The following LPXN variants were observed in gnomAD, a reference collection of about 807,000 sequenced individuals.
LPXN encodes the protein leupaxin.
In LPXN, 28 loss-of-function variants were observed where a neutral mutation model predicts 45.6. The observed-to-expected ratio is 0.61, with a 90% CI of 0.45 to 0.84. The LOEUF is 0.84. Among genes scored for constraint, LPXN ranks in the 40% least tolerant of loss-of-function variants. LPXN has a pLI of 0.00. For synonymous variants in LPXN, 166 were observed against 169.9 expected (o/e 0.98, Z 0.18); for missense variants, 459 against 475.0 (o/e 0.97, Z 0.31).
chr11:58,573,361 G>C (rs1443430579), intron 1 of LPXN, among the ~76,000 whole-genome samples: 1 of 152,018 alleles, frequency 6.6e-6, no homozygotes, highest in African/African-American at 2.4e-5. Flanking sequence ...CCAAATTTGA[G>C]AATTTTGAAT....
At chr11:58,560,090 G>A (rs1046910180) in intron 3 of LPXN, among the ~76,000 whole-genome samples, 10 of 152,054 alleles carry the variant, frequency 6.6e-5, no homozygotes, top group African/African-American at 2.4e-4. Flanking sequence ...GACTTTTTAC[G>A]CACATGAGTT....
intron 2 of LPXN, among the ~76,000 whole-genome samples, chr11:58,567,809 T>G (rs1217002004): frequency 1.3e-5 from 2 of 152,220 alleles, no homozygotes; most frequent in Non-Finnish European, 1.5e-5. Flanking sequence ...CAATTAAACA[T>G]GTGGGTTTTG....
chr11:58,539,710 A>G (rs1236583518), intron 7 of LPXN, among the ~76,000 whole-genome samples: 1 of 152,200 alleles, frequency 6.6e-6, no homozygotes, highest in East Asian at 1.9e-4. Flanking sequence ...TTGTTAATGA[A>G]CCCATTCATT....
rs1854078205 is a variant in LPXN at position 58,552,420 on chromosome 11, T to A, written c.319-1188A>T. ...CGACTGCTACCATCTATCTACTGAATACTTCACTCATCAGAAAACTACAAT... is the reference window on the plus strand; with the variant it reads ...CGACTGCTACCATCTATCTACTGAAAACTTCACTCATCAGAAAACTACAAT... On this transcript the variant is annotated intron_variant, in intron 4 of 8. Transcript: ENST00000395074. Among the ~76,000 whole-genome samples the A allele has an allele frequency of 2.0e-5, 3 of 152,160 alleles. No individual in the cohort carries two copies. In the South Asian group the frequency reaches 6.2e-4, roughly 32 times the overall value.
chr11:58,537,961 C>T (rs1853603492), intron 7 of LPXN, among the ~76,000 whole-genome samples: 1 of 138,868 alleles, frequency 7.2e-6, no homozygotes. Context: ...TGTGATGTTC[C>T]TCTTCCTGTG....
intron 7 of LPXN, among the ~76,000 whole-genome samples, chr11:58,540,469 C>G (rs1853682096): frequency 6.6e-6 from 1 of 151,982 alleles, no homozygotes; most frequent in Non-Finnish European, 1.5e-5. Flanking sequence ...TTAAAAAGAC[C>G]TTCTCAGCTA....
chr11:58,554,678 G>T, intron 4 of LPXN, 163 bp downstream of exon 4: 1 of 529,590 alleles, frequency 1.9e-6, no homozygotes, highest in Non-Finnish European at 3.3e-6. Context: ...GTTAATTCAT[G>T]GAATTAAATT....
intron 3 of LPXN, among the ~76,000 whole-genome samples, chr11:58,557,181 T>A (rs530305609): frequency 6.6e-6 from 1 of 152,276 alleles, no homozygotes; most frequent in East Asian, 1.9e-4. Context: ...GACACAGGAA[T>A]CCTTCTTCTG....
chr11:58,532,201 A>G (rs1298981587), intron 7 of LPXN, among the ~76,000 whole-genome samples: 2 of 152,006 alleles, frequency 1.3e-5, no homozygotes, highest in Non-Finnish European at 2.9e-5. Flanking sequence ...AGGGCTTGGG[A>G]TCTGCAGCCC....
rs533978033 is a variant in LPXN at position 58,564,142 on chromosome 11, GA to G, written c.218+12del. 431 of 1,506,098 alleles carry G rather than the reference GA, an allele frequency of 2.9e-4. No homozygotes were observed. The highest frequency in any genetic ancestry group is 3.9e-4 in the Admixed American group (20 of 51,854). The allele number at this position is 1,506,098 out of a possible 1,614,324, so 93.3% of individuals were successfully genotyped here. The stretch of plus-strand genomic sequence containing the variant: ...CTTTAATTTTTAAAAGCATTTAATA[GA>G]AAAAAAAATACCTGTAGACATTGAG... On this transcript the variant is annotated intron_variant, in intron 3 of 8. Transcript: ENST00000395074.
At chr11:58,571,980 T>C (rs1854717300) in intron 1 of LPXN, among the ~76,000 whole-genome samples, 1 of 152,238 alleles carries the variant, frequency 6.6e-6, no homozygotes, top group South Asian at 2.1e-4. Flanking sequence ...CTGGGTTACC[T>C]TGAGCATGTC....
chr11:58,529,221 AACAAAG>A (rs1311687742), intron 7 of LPXN, among the ~76,000 whole-genome samples: 1 of 152,248 alleles, frequency 6.6e-6, no homozygotes, highest in Non-Finnish European at 1.5e-5. Context: ...AATCACCATA[AACAAAG>A]ACAAATAACA....
In LPXN at chr11:58,573,614, CAT is replaced by C. The variant is rs146204595; in HGVS notation, c.13+2144_13+2145del. ...GTTATAGGCTTTTCTCTTCCTGTTTCATATGAGTGTGCATATCACCAACACTG... is the reference window on the plus strand; with the variant it reads ...GTTATAGGCTTTTCTCTTCCTGTTTCATGAGTGTGCATATCACCAACACTG... On this transcript the variant is annotated intron_variant, in intron 1 of 8. Transcript: ENST00000395074. Among the ~76,000 whole-genome samples, 206 of 152,266 alleles carry C rather than the reference CAT, an allele frequency of 1.4e-3. 2 individuals carry two copies. The highest frequency in any genetic ancestry group is 4.9e-3 in the African/African-American group (203 of 41,540).
At chr11:58,569,535 C>CT (rs1854621001) in intron 2 of LPXN, among the ~76,000 whole-genome samples, 1 of 151,852 alleles carries the variant, frequency 6.6e-6, no homozygotes, top group African/African-American at 2.4e-5. Context: ...ACCATAGGCA[C>CT]GCACCACCAC....
intron 2 of LPXN, among the ~76,000 whole-genome samples, chr11:58,566,626 A>G (rs768968283): frequency 3.3e-5 from 5 of 152,232 alleles, no homozygotes; most frequent in Non-Finnish European, 7.3e-5. Flanking sequence ...TAGATAATTA[A>G]ACCATATCTG....
intron 1 of LPXN, among the ~76,000 whole-genome samples, chr11:58,574,981 G>T (rs1374728539): frequency 6.6e-6 from 1 of 152,174 alleles, no homozygotes; most frequent in African/African-American, 2.4e-5. Context: ...GTATAGTTTA[G>T]TGACTCAGTG....
At chr11:58,568,980 A>G (rs1854600014) in intron 2 of LPXN, among the ~76,000 whole-genome samples, 1 of 152,194 alleles carries the variant, frequency 6.6e-6, no homozygotes, top group South Asian at 2.1e-4. Flanking sequence ...GCAGTGGGGC[A>G]AAGGGCAGGA....
chr11:58,536,900 T>C lies in LPXN; in HGVS notation c.743-8709A>G, dbSNP rs550696591. Reference sequence around the variant, plus strand: ...GACATTTATGTAGCCAATAAACATATGAAAAAAAAAAGCTCATCATCACTG... The same window carrying C: ...GACATTTATGTAGCCAATAAACATACGAAAAAAAAAAGCTCATCATCACTG... On this transcript the variant is annotated intron_variant, in intron 7 of 8. Transcript: ENST00000395074. Among the ~76,000 whole-genome samples, 14 of 149,928 alleles carry C rather than the reference T, an allele frequency of 9.3e-5. No homozygotes were observed. The South Asian group carries it at 2.1e-3, about 23-fold the overall frequency.
At chr11:58,575,669 C>T (rs1028302519) in intron 1 of LPXN, 91 bp downstream of exon 1, 1 of 1,400,758 alleles carries the variant, frequency 7.1e-7, no homozygotes, top group South Asian at 1.2e-5. Flanking sequence ...CATTACTACC[C>T]TCAGTCTAGC....
Sources: allele counts gnomAD v4.1 joint callset (sites outside exome capture counted in the v4.1 genomes callset), GRCh38; gene constraint gnomAD v4.1.1; transcripts MANE v1.5; gene names NCBI Gene and HGNC (gene_info 2026-07-23, HGNC 2026-07-21).